The following TBC1D22A variants were observed in gnomAD, a reference collection of about 807,000 sequenced individuals.
The protein encoded by TBC1D22A is TBC1 domain family member 22A.
TBC1D22A carries 38 observed loss-of-function variants against 60.2 expected under a neutral mutation model. The ratio of observed to expected loss-of-function variants is 0.63; its 90% CI spans 0.49 to 0.83. The LOEUF (loss-of-function observed/expected upper bound fraction) is 0.83. Ranked by LOEUF, TBC1D22A falls within the 40% of genes least tolerant of loss-of-function variation. The probability of loss-of-function intolerance (pLI) is 0.00; values close to 1 mark genes in which losing one functional copy is unlikely to be tolerated. For synonymous variants in TBC1D22A, 302 were observed against 281.7 expected (o/e 1.07, Z -0.72); for missense variants, 628 against 701.0 (o/e 0.90, Z 1.18).
At chr22:46,767,826 TGAG>T (rs1394723683) in intron 1 of TBC1D22A, among the ~76,000 whole-genome samples, 2 of 151,032 alleles carry the variant, frequency 1.3e-5, no homozygotes, top group Non-Finnish European at 3.0e-5. Flanking sequence ...CTGGCGTGCT[TGAG>T]GAGAGGAGCT....
intron 7 of TBC1D22A, among the ~76,000 whole-genome samples, chr22:46,900,192 A>C (rs1602379582): frequency 6.8e-6 from 1 of 145,998 alleles, no homozygotes; most frequent in Admixed American, 7.0e-5. Context: ...TCTGTTGCCT[A>C]GGCTGCTGGA....
intron 3 of TBC1D22A, among the ~76,000 whole-genome samples, chr22:46,795,591 T>G (rs1487908150): frequency 1.3e-5 from 2 of 152,170 alleles, no homozygotes; most frequent in Non-Finnish European, 2.9e-5. Context: ...TGCCTTGGAG[T>G]TGGCCACCTT....
At chr22:46,952,143 G>A (rs136077) in intron 8 of TBC1D22A, among the ~76,000 whole-genome samples, 1 of 151,998 alleles carries the variant, frequency 6.6e-6, no homozygotes, top group Admixed American at 6.5e-5. Context: ...CTGCCCTGTG[G>A]GTGGTTGACA....
intron 11 of TBC1D22A, among the ~76,000 whole-genome samples, chr22:47,087,907 C>G (rs1254923338): frequency 6.6e-6 from 1 of 151,708 alleles, no homozygotes; most frequent in African/African-American, 2.4e-5. Context: ...AACCCCATCT[C>G]TACTAAAAAT....
chr22:46,979,480 G>A (rs1232018699), intron 9 of TBC1D22A, among the ~76,000 whole-genome samples: 1 of 152,226 alleles, frequency 6.6e-6, no homozygotes, highest in African/African-American at 2.4e-5. Flanking sequence ...TCAGCTCACA[G>A]CTGAAGCCAG....
chr22:47,130,969 G>T (rs1193464048), intron 12 of TBC1D22A, among the ~76,000 whole-genome samples: 1 of 152,216 alleles, frequency 6.6e-6, no homozygotes, highest in Non-Finnish European at 1.5e-5. Flanking sequence ...TTCTGGGGAG[G>T]CTTCAGGAAG....
At chr22:47,113,378 G>T (rs2065917989) in intron 12 of TBC1D22A, among the ~76,000 whole-genome samples, 1 of 152,182 alleles carries the variant, frequency 6.6e-6, no homozygotes, top group Admixed American at 6.5e-5. Flanking sequence ...GAGGCCCTGG[G>T]CAGACATTGC....
chr22:46,853,686 G>A lies in TBC1D22A; in HGVS notation c.638-24967G>A, dbSNP rs188800717. Among the ~76,000 whole-genome samples, 9 of 152,348 alleles carry A rather than the reference G, an allele frequency of 5.9e-5. No individual in the cohort carries two copies. In the East Asian group the frequency reaches 1.3e-3, roughly 23 times the overall value. On this transcript the variant is annotated intron_variant, in intron 4 of 12. Transcript: ENST00000337137. ...TTGTACTTGAGAGCGGAACAGGAACGGAGAAATTAATTAATTCAGTTTTAT... is the reference window on the plus strand; with the variant it reads ...TTGTACTTGAGAGCGGAACAGGAACAGAGAAATTAATTAATTCAGTTTTAT...
chr22:46,975,031 A>G (rs2074240844), intron 9 of TBC1D22A, among the ~76,000 whole-genome samples: 2 of 152,184 alleles, frequency 1.3e-5, no homozygotes, highest in East Asian at 1.9e-4. Context: ...ATTCCCACAC[A>G]GTACCTGGGA....
At chr22:46,909,019 C>T (rs2069698116) in intron 7 of TBC1D22A, among the ~76,000 whole-genome samples, 1 of 152,176 alleles carries the variant, frequency 6.6e-6, no homozygotes, top group African/African-American at 2.4e-5. Context: ...GTTTCATGGT[C>T]CACAGAGCCC....
At chr22:46,965,989 C>T (rs955803875) in intron 8 of TBC1D22A, among the ~76,000 whole-genome samples, 5 of 152,160 alleles carry the variant, frequency 3.3e-5, no homozygotes, top group African/African-American at 1.2e-4. Flanking sequence ...CTCACACCTC[C>T]CGCAGCCATG....
At chr22:46,798,263 T>G (rs1167716177) in intron 4 of TBC1D22A, among the ~76,000 whole-genome samples, 1 of 152,270 alleles carries the variant, frequency 6.6e-6, no homozygotes, top group Non-Finnish European at 1.5e-5. Context: ...GACATCCTTG[T>G]TCTTGACAGT....
At chr22:47,130,666 T>C (rs779506769) in intron 12 of TBC1D22A, among the ~76,000 whole-genome samples, 4 of 152,250 alleles carry the variant, frequency 2.6e-5, no homozygotes, top group Non-Finnish European at 5.9e-5. Context: ...GGTGGTGACA[T>C]GTCTTTTCCT....
chr22:47,051,695 G>C (rs1305971805), intron 11 of TBC1D22A, among the ~76,000 whole-genome samples: 1 of 152,202 alleles, frequency 6.6e-6, no homozygotes, highest in Non-Finnish European at 1.5e-5. Flanking sequence ...CGCTTGCCTG[G>C]GGTGGGGGCA....
chr22:46,792,432 C>G, intron 1 of TBC1D22A, 88 bp from the exon 2 acceptor site: 2 of 1,584,008 alleles, frequency 1.3e-6, no homozygotes, highest in Non-Finnish European at 1.7e-6. Flanking sequence ...CTGTGGGTTC[C>G]TGGGAGCCCA....
At position 47,048,537 on chromosome 22, in the gene TBC1D22A, A is replaced by C. The variant is rs1043509328; in HGVS notation, c.1329+11339A>C. Among the ~76,000 whole-genome samples, 5 of 152,108 alleles carry C rather than the reference A, an allele frequency of 3.3e-5. No homozygotes were observed. The South Asian group carries it at 1.0e-3, about 32-fold the overall frequency. On this transcript the variant is annotated intron_variant, in intron 11 of 12. Transcript: ENST00000337137. Reference sequence around the variant, plus strand: ...AGGGCACAGCAGCCTTGCCTTCCAGATGTTCACAGTGGCTGCCACTGGGCC... The same window carrying C: ...AGGGCACAGCAGCCTTGCCTTCCAGCTGTTCACAGTGGCTGCCACTGGGCC...
At chr22:46,824,742 T>C (rs561103766) in intron 4 of TBC1D22A, among the ~76,000 whole-genome samples, 1 of 151,342 alleles carries the variant, frequency 6.6e-6, no homozygotes, top group African/African-American at 2.4e-5. Context: ...TTTAAAGCTG[T>C]GGGGAGGAGG....
chr22:46,943,256 C>T (rs2072290850), intron 8 of TBC1D22A, among the ~76,000 whole-genome samples: 1 of 152,242 alleles, frequency 6.6e-6, no homozygotes, highest in Non-Finnish European at 1.5e-5. Context: ...CCTCCTCTCC[C>T]ACTCAGAAGC....
intron 4 of TBC1D22A, among the ~76,000 whole-genome samples, chr22:46,835,606 A>G (rs768984241): frequency 1.3e-5 from 2 of 152,228 alleles, no homozygotes; most frequent in Non-Finnish European, 2.9e-5. Flanking sequence ...AACATTAAGC[A>G]AAGCCATATA....
Sources: gnomAD v4.1 joint callset for allele counts (sites outside exome capture counted in the v4.1 genomes callset) on GRCh38, gnomAD v4.1.1 for gene constraint, MANE v1.5 for transcripts, NCBI Gene and HGNC (gene_info 2026-07-23, HGNC 2026-07-21) for gene names.